MDGA2: variants seen among roughly 807,000 people sequenced by gnomAD.
MDGA2 encodes MAM domain containing glycosylphosphatidylinositol anchor 2, also known as MAM domain-containing glycosylphosphatidylinositol anchor protein 2.
In MDGA2, 40 loss-of-function variants were observed where a neutral mutation model predicts 117.8. That is an observed-to-expected ratio of 0.34 (90% CI 0.26 to 0.44). MDGA2 has a LOEUF of 0.44. Among genes scored for constraint, MDGA2 ranks in the 20% least tolerant of loss-of-function variants. The pLI, the probability that MDGA2 is intolerant of heterozygous loss-of-function variation, is 1.00. For synonymous variants in MDGA2, 452 were observed against 439.0 expected, an observed-to-expected ratio of 1.03 and a Z score of -0.37; for missense variants, 1,123 against 1,250.6, an observed-to-expected ratio of 0.90 and a Z score of 1.54.
At chr14:46,923,047 G>A (rs1333434269) in intron 9 of MDGA2, among the ~76,000 whole-genome samples, 1 of 152,132 alleles carries the variant, frequency 6.6e-6, no homozygotes, top group East Asian at 1.9e-4. Context: ...GAACACTTTT[G>A]AAGTTACTGA....
chr14:47,604,422 T>C (rs1399103476), intron 1 of MDGA2, among the ~76,000 whole-genome samples: 1 of 151,780 alleles, frequency 6.6e-6, no homozygotes, highest in African/African-American at 2.4e-5. Context: ...ACTCAAGCTA[T>C]CCTCTCACCT....
chr14:47,036,007 C>T (rs529280661), intron 7 of MDGA2, among the ~76,000 whole-genome samples: 8 of 152,044 alleles, frequency 5.3e-5, no homozygotes, highest in South Asian at 4.2e-4. Context: ...CGGTGGCTCA[C>T]GCCTGTAATC....
intron 1 of MDGA2, chr14:47,343,337 T>C (rs555079979): frequency 1.1e-6 from 1 of 884,718 alleles, no homozygotes; most frequent in East Asian, 9.9e-5. Flanking sequence ...ATGAACTGAA[T>C]ACTCCCACAG....
At chr14:47,656,352 C>G (rs1009880557) in intron 1 of MDGA2, among the ~76,000 whole-genome samples, 2 of 152,118 alleles carry the variant, frequency 1.3e-5, no homozygotes, top group African/African-American at 4.8e-5. Flanking sequence ...GTCTAACCAC[C>G]AAGTTCAAGA....
At chr14:47,208,446 C>G (rs1438898550) in intron 3 of MDGA2, among the ~76,000 whole-genome samples, 1 of 151,790 alleles carries the variant, frequency 6.6e-6, no homozygotes, top group East Asian at 1.9e-4. Context: ...GGGAAAAAAA[C>G]ACATTAAACA....
At chr14:47,137,117 T>C (rs970042931) in intron 4 of MDGA2, among the ~76,000 whole-genome samples, 1 of 152,194 alleles carries the variant, frequency 6.6e-6, no homozygotes, top group African/African-American at 2.4e-5. Flanking sequence ...CTGGTATTTA[T>C]GTTATCTAAA....
At chr14:46,969,538 T>C (rs1886174516) in intron 8 of MDGA2, among the ~76,000 whole-genome samples, 1 of 152,236 alleles carries the variant, frequency 6.6e-6, no homozygotes, top group African/African-American at 2.4e-5. Context: ...GTTGGCTGCA[T>C]AAATGTCTTC....
chr14:47,553,213 C>T (rs892817591), intron 1 of MDGA2, among the ~76,000 whole-genome samples: 1 of 152,216 alleles, frequency 6.6e-6, no homozygotes, highest in South Asian at 2.1e-4. Context: ...TTATCTAACT[C>T]TCCCCGCTAG....
intron 3 of MDGA2, among the ~76,000 whole-genome samples, chr14:47,144,862 C>A (rs1882876455): frequency 7.1e-6 from 1 of 140,280 alleles, no homozygotes; most frequent in Non-Finnish European, 1.5e-5. Context: ...GTTGTCCAGG[C>A]TGGTCTTAAA....
chr14:47,404,500 A>C (rs1459726309), intron 1 of MDGA2, among the ~76,000 whole-genome samples: 1 of 150,596 alleles, frequency 6.6e-6, no homozygotes, highest in African/African-American at 2.4e-5. Flanking sequence ...CCAAGTTTAA[A>C]AAAAAAAAAA....
intron 1 of MDGA2, among the ~76,000 whole-genome samples, chr14:47,664,026 T>C (rs1039705523): frequency 1.3e-5 from 2 of 152,118 alleles, no homozygotes; most frequent in African/African-American, 4.8e-5. Flanking sequence ...GATACACTAA[T>C]GTTCTCTGGA....
intron 1 of MDGA2, among the ~76,000 whole-genome samples, chr14:47,334,708 T>G (rs997538389): frequency 2.0e-5 from 3 of 151,950 alleles, no homozygotes; most frequent in African/African-American, 7.2e-5. Flanking sequence ...GTTATTGATA[T>G]CTCTCTGGCC....
chr14:47,541,754 C>T (rs1010056910), intron 1 of MDGA2, among the ~76,000 whole-genome samples: 4 of 152,104 alleles, frequency 2.6e-5, no homozygotes, highest in Non-Finnish European at 5.9e-5. Context: ...TGTTTGAGTT[C>T]CCCTGGAAAC....
chr14:47,650,698 G>C lies in MDGA2; in HGVS notation c.280+23819C>G, dbSNP rs148095814. 2.3e-4 allele frequency among the ~76,000 whole-genome samples: 35 copies of C among 152,218 alleles called. No individual in the cohort carries two copies. In the East Asian group the frequency reaches 6.6e-3, roughly 29 times the overall value. On this transcript the variant is annotated intron_variant, in intron 1 of 16. Transcript: ENST00000399232. ...ACTGGAATAAGCAGGTTGGAAAAAT[G>C]CATAAATGAATGAATTAACACAAAT...
intron 8 of MDGA2, among the ~76,000 whole-genome samples, chr14:46,973,541 C>CA (rs1449436339): frequency 1.3e-5 from 2 of 151,808 alleles, no homozygotes; most frequent in Non-Finnish European, 2.9e-5. Flanking sequence ...GTATGGAAGG[C>CA]AAAACTGTCA....
chr14:47,652,541 T>C (rs1225157658), intron 1 of MDGA2, among the ~76,000 whole-genome samples: 1 of 152,196 alleles, frequency 6.6e-6, no homozygotes, highest in East Asian at 1.9e-4. Flanking sequence ...AATTGTTATA[T>C]GTGTTGAAAT....
intron 15 of MDGA2, among the ~76,000 whole-genome samples, chr14:46,848,086 G>A (rs1229582065): frequency 6.6e-6 from 1 of 151,910 alleles, no homozygotes; most frequent in East Asian, 1.9e-4. Flanking sequence ...CTTTATGTGG[G>A]GAAGTGAGAT....
intron 3 of MDGA2, among the ~76,000 whole-genome samples, chr14:47,201,296 A>T: frequency 6.6e-6 from 1 of 152,126 alleles, no homozygotes; most frequent in African/African-American, 2.4e-5. Flanking sequence ...ATATTCCCTA[A>T]TACCCTCTAC....
At chr14:47,271,973 T>C (rs1272548809) in intron 2 of MDGA2, among the ~76,000 whole-genome samples, 1 of 151,586 alleles carries the variant, frequency 6.6e-6, no homozygotes, top group African/African-American at 2.4e-5. Flanking sequence ...ACTCTAGATA[T>C]TCATAAACAA....
Sources: gnomAD v4.1 joint callset for allele counts (sites outside exome capture counted in the v4.1 genomes callset) on GRCh38, gnomAD v4.1.1 for gene constraint, MANE v1.5 for transcripts, NCBI Gene and HGNC (gene_info 2026-07-23, HGNC 2026-07-21) for gene names.